NFIA: variants seen among roughly 807,000 people sequenced by gnomAD.
NFIA encodes nuclear factor 1 A-type.
In NFIA, 8 loss-of-function variants were observed where a neutral mutation model predicts 62.8. The ratio of observed to expected loss-of-function variants is 0.13; its 90% CI spans 0.07 to 0.23. The LOEUF is 0.23. NFIA is among the 10% of genes least tolerant of loss of function. The pLI is 1.00. For synonymous variants in NFIA, 235 were observed against 238.1 expected, an observed-to-expected ratio of 0.99 and a Z score of 0.12; for missense variants, 410 against 642.1, an observed-to-expected ratio of 0.64 and a Z score of 3.91.
chr1:61,347,080 C>G lies in NFIA; in HGVS notation c.701-5370C>G, dbSNP rs556841590. Among the ~76,000 whole-genome samples the G allele has an allele frequency of 8.6e-5, 13 of 151,380 alleles. No homozygotes were observed. The South Asian group carries it at 2.7e-3, about 32-fold the overall frequency. On this transcript the variant is annotated intron_variant, in intron 4 of 10. Transcript: ENST00000403491. ...GTGAGATTTGGGTGGGGACACAGAGCCAAACCATATCAGTTGCCTTGTGAT... is the reference window on the plus strand; with the variant it reads ...GTGAGATTTGGGTGGGGACACAGAGGCAAACCATATCAGTTGCCTTGTGAT...
Position 61,094,784 on chromosome 1 carries a change from A to C in NFIA, c.559+6104A>C, listed in dbSNP as rs556890368. ...GATTTTCCCCAAAATATTAGAAAAC[A>C]ATTCCTCATGTTTTGTTTTAACTCC... On this transcript the variant is annotated intron_variant, in intron 2 of 10. Transcript: ENST00000403491. Among the ~76,000 whole-genome samples, 17 of 152,324 alleles carry C rather than the reference A, an allele frequency of 1.1e-4. No homozygotes were observed. The South Asian group carries it at 3.3e-3, about 30-fold the overall frequency.
chr1:61,283,588 A>AAAAAAAAAAAAAAAAG (rs1658282820), intron 3 of NFIA, among the ~76,000 whole-genome samples: 1 of 119,456 alleles, frequency 8.4e-6, no homozygotes, highest in African/African-American at 3.1e-5. Context: ...TCTCAAAAAA[A>AAAAAAAAAAAAAAAAG]AAAAAAAAAA....
chr1:61,134,245 AGTGTGTGT>A (rs61677972), intron 2 of NFIA, among the ~76,000 whole-genome samples: 16,077 of 145,732 alleles, frequency 0.11, 890 homozygotes, highest in South Asian at 0.17. Flanking sequence ...TGTGTGTGTG[AGTGTGTGT>A]GTGTGTGTGT....
chr1:61,328,899 T>C (rs539815947), intron 3 of NFIA, among the ~76,000 whole-genome samples: 1 of 150,082 alleles, frequency 6.7e-6, no homozygotes, highest in South Asian at 2.1e-4. Flanking sequence ...ATTTTTGTAT[T>C]TTTAGTAGAG....
Position 61,114,050 on chromosome 1 carries a change from G to A in NFIA, c.559+25370G>A, listed in dbSNP as rs538897178. On this transcript the variant is annotated intron_variant, in intron 2 of 10. Transcript: ENST00000403491. ...GACAGTGGAACAGTAGCTTTGTCTC[G>A]GCACAAAATTATAAATCATGATGGT... 1.6e-4 allele frequency among the ~76,000 whole-genome samples: 25 copies of A among 152,074 alleles called. 1 individual carries two copies. The South Asian group carries it at 2.1e-3, about 13-fold the overall frequency.
chr1:61,155,714 TTC>T (rs545666266), intron 2 of NFIA, among the ~76,000 whole-genome samples: 1 of 150,812 alleles, frequency 6.6e-6, no homozygotes, highest in East Asian at 2.0e-4. Flanking sequence ...GTTGAAATTT[TTC>T]TCTTACATTT....
At chr1:61,120,678 C>T (rs983676831) in intron 2 of NFIA, among the ~76,000 whole-genome samples, 2 of 152,158 alleles carry the variant, frequency 1.3e-5, no homozygotes. Context: ...GTAGCACATA[C>T]GAGGCCTTCT....
At chr1:61,385,377 G>T (rs1664627432) in intron 7 of NFIA, among the ~76,000 whole-genome samples, 1 of 152,214 alleles carries the variant, frequency 6.6e-6, no homozygotes, top group East Asian at 1.9e-4. Flanking sequence ...CAGTATGCCA[G>T]CAATCAGGAG....
chr1:61,207,252 C>T (rs956251929), intron 2 of NFIA, among the ~76,000 whole-genome samples: 2 of 152,160 alleles, frequency 1.3e-5, no homozygotes, highest in South Asian at 4.1e-4. Context: ...TTTACGTTGA[C>T]TGTTTTATTT....
intron 8 of NFIA, 141 bp downstream of exon 8, chr1:61,404,423 T>A (rs1665720689): frequency 3.2e-6 from 3 of 936,628 alleles, no homozygotes; most frequent in Non-Finnish European, 4.7e-6. Context: ...TTATTCTAGA[T>A]TGTGGGAAAG....
chr1:61,085,152 C>T (rs1274722686), intron 1 of NFIA, among the ~76,000 whole-genome samples: 1 of 151,808 alleles, frequency 6.6e-6, no homozygotes, highest in Non-Finnish European at 1.5e-5. Flanking sequence ...ATTTCTATCA[C>T]TATACTCTAA....
intron 10 of NFIA, among the ~76,000 whole-genome samples, chr1:61,430,600 G>A (rs1667059331): frequency 6.6e-6 from 1 of 152,140 alleles, no homozygotes; most frequent in African/African-American, 2.4e-5. Context: ...GATTGGTGGG[G>A]AAAGATAACG....
chr1:61,359,614 C>G (rs1214739952), intron 6 of NFIA, among the ~76,000 whole-genome samples: 1 of 151,860 alleles, frequency 6.6e-6, no homozygotes, highest in Non-Finnish European at 1.5e-5. Context: ...AGAGTCTTGC[C>G]CTGTCGCCCG....
At chr1:61,118,451 A>T (rs1646829488) in intron 2 of NFIA, among the ~76,000 whole-genome samples, 1 of 152,200 alleles carries the variant, frequency 6.6e-6, no homozygotes, top group East Asian at 1.9e-4. Flanking sequence ...CCCTGGTCTC[A>T]TGGAGTGTGC....
upstream of NFIA, chr1:61,081,725 C>T (rs1015583670): frequency 7.1e-6 from 5 of 700,908 alleles, no homozygotes; most frequent in African/African-American, 7.2e-5. Flanking sequence ...TCCGGTGAAT[C>T]TTCTGTGGGC....
chr1:61,409,667 A>G (rs1284478232), intron 9 of NFIA, among the ~76,000 whole-genome samples: 1 of 152,204 alleles, frequency 6.6e-6, no homozygotes, highest in Non-Finnish European at 1.5e-5. Context: ...TGAACCCCCA[A>G]TTACATCGTC....
chr1:61,227,069 G>T (rs1654379132), intron 2 of NFIA, among the ~76,000 whole-genome samples: 1 of 152,180 alleles, frequency 6.6e-6, no homozygotes, highest in Non-Finnish European at 1.5e-5. Context: ...ACCATTCACT[G>T]GTGTTGAACC....
intron 2 of NFIA, among the ~76,000 whole-genome samples, chr1:61,194,593 A>G (rs140946393): frequency 6.6e-6 from 1 of 152,308 alleles, no homozygotes; most frequent in African/African-American, 2.4e-5. Context: ...TAAGGTAGGC[A>G]AGGTAGATAT....
intron 3 of NFIA, among the ~76,000 whole-genome samples, chr1:61,285,263 A>T (rs1193729437): frequency 6.6e-6 from 1 of 152,082 alleles, no homozygotes; most frequent in Non-Finnish European, 1.5e-5. Flanking sequence ...CCATCAATTA[A>T]AAACCAGCGT....
Sources: gnomAD v4.1 joint callset for allele counts (sites outside exome capture counted in the v4.1 genomes callset) on GRCh38, gnomAD v4.1.1 for gene constraint, MANE v1.5 for transcripts, NCBI Gene and HGNC (gene_info 2026-07-23, HGNC 2026-07-21) for gene names.